The following ZNF716 variants were observed in gnomAD, a reference collection of about 807,000 sequenced individuals.
ZNF716 encodes the protein zinc finger protein 716.
Under a neutral mutation model 13.4 loss-of-function variants are expected in ZNF716, and 9 were observed. The observed-to-expected ratio is 0.67, with a 90% CI of 0.41 to 1.18. The LOEUF (loss-of-function observed/expected upper bound fraction) is 1.18. Among genes scored for constraint, ZNF716 ranks in the 50% most tolerant of loss-of-function variants. The probability of loss-of-function intolerance (pLI) is 0.01; values close to 1 mark genes in which losing one functional copy is unlikely to be tolerated. For missense variants in ZNF716, 581 were observed against 576.6 expected (o/e 1.01, Z -0.08); for synonymous variants, 186 against 195.2 (o/e 0.95, Z 0.39).
chr7:57,451,440 G>GTTTT (rs1554321537), intron 1 of ZNF716, among the ~76,000 whole-genome samples: 1 of 115,138 alleles, frequency 8.7e-6, no homozygotes, highest in African/African-American at 3.6e-5. Context: ...TTTTCCCTTG[G>GTTTT]ATTTTTTTTT....
At position 57,469,874 on chromosome 7, in the gene ZNF716, A is replaced by G. The variant is rs535726423; in HGVS notation, c.1413A>G (p.Gln471=). 8 of 1,598,798 alleles carry G rather than the reference A, an allele frequency of 5.0e-6. No homozygotes were observed. Among genetic ancestry groups the G allele is most frequent in the East Asian group, 4.5e-5 (2 of 44,108 alleles). ...EKPYKCEECD[Q]TFKWHSSLAN... ...CCTACAAATGTGAAGAATGTGACCA[A>G]ACTTTTAAGTGGCATTCAAGTCTTG... The change falls in exon 4 of 4, where the codon CAA becomes CAG. Residue 471 remains glutamine (Q), a synonymous_variant. Transcript: ENST00000420713.
chr7:57,452,076 T>C (rs1360084673), intron 1 of ZNF716, among the ~76,000 whole-genome samples: 1 of 152,168 alleles, frequency 6.6e-6, no homozygotes, highest in Non-Finnish European at 1.5e-5. Context: ...CTCAGCTGTG[T>C]CTTAAGCAGG....
intron 1 of ZNF716, among the ~76,000 whole-genome samples, chr7:57,452,918 T>C (rs1232465150): frequency 6.6e-6 from 1 of 152,036 alleles, no homozygotes; most frequent in Non-Finnish European, 1.5e-5. Flanking sequence ...TTTTTGAGAA[T>C]AGCATGCGGT....
chr7:57,450,364 G>C, intron 1 of ZNF716, 37 bp downstream of exon 1: 2 of 1,613,834 alleles, frequency 1.2e-6, no homozygotes, highest in African/African-American at 2.7e-5. Flanking sequence ...AGAGGGGTGG[G>C]GGCTGGTTGG....
intron 1 of ZNF716, among the ~76,000 whole-genome samples, chr7:57,453,594 A>G (rs1554321806): frequency 6.6e-6 from 1 of 152,052 alleles, no homozygotes; most frequent in Admixed American, 6.6e-5. Context: ...AACTGTAGAA[A>G]TTTTCTCAGG....
intron 3 of ZNF716, 93 bp from the exon 4 acceptor site, chr7:57,468,631 A>T: frequency 7.7e-7 from 1 of 1,295,226 alleles, no homozygotes; most frequent in Non-Finnish European, 1.0e-6. Context: ...CCATTTTGCT[A>T]ATGTACTTTG....
intron 1 of ZNF716, among the ~76,000 whole-genome samples, chr7:57,454,384 T>A (rs1554321957): frequency 6.6e-6 from 1 of 152,208 alleles, no homozygotes; most frequent in Non-Finnish European, 1.5e-5. Context: ...CACCACTTAA[T>A]TTCTAAAACT....
chr7:57,463,149 G>A lies in ZNF716; in HGVS notation c.243G>A (p.Glu81=). Residue 81 remains glutamate (E), a synonymous_variant, in exon 3 of 4, where the codon GAG becomes GAA. Transcript: ENST00000420713. The stretch of plus-strand genomic sequence containing the variant: ...AGCCCCAGAATATAAAGAGAAATGA[G>A]ATGGTAGCCAAACACCCAGGTAGGT... ...NKEPQNIKRN[E]MVAKHPVTCS... The A allele has an allele frequency of 6.2e-7, 1 of 1,608,660 alleles. No individual in the cohort carries two copies. The highest frequency in any genetic ancestry group is 2.2e-5 in the East Asian group (1 of 44,862).
intron 1 of ZNF716, among the ~76,000 whole-genome samples, chr7:57,457,025 T>C (rs868957025): frequency 6.6e-6 from 1 of 152,136 alleles, no homozygotes; most frequent in Non-Finnish European, 1.5e-5. Context: ...CCACTAGACA[T>C]TGATGCATCC....
intron 1 of ZNF716, among the ~76,000 whole-genome samples, chr7:57,460,566 G>C (rs1789690513): frequency 6.6e-6 from 1 of 151,302 alleles, no homozygotes; most frequent in South Asian, 2.1e-4. Context: ...TTTTTTTTCT[G>C]TATACCATAG....
At chr7:57,452,604 C>G (rs1462949692) in intron 1 of ZNF716, among the ~76,000 whole-genome samples, 2 of 152,034 alleles carry the variant, frequency 1.3e-5, no homozygotes, top group Non-Finnish European at 2.9e-5. Context: ...TGCCACTGCA[C>G]TCCAACCTGG....
At chr7:57,464,733 A>G (rs1789775964) in intron 3 of ZNF716, among the ~76,000 whole-genome samples, 1 of 151,556 alleles carries the variant, frequency 6.6e-6, no homozygotes, top group African/African-American at 2.4e-5. Flanking sequence ...CAGTCTAAGT[A>G]TTTTGTTGAA....
chr7:57,464,168 C>A (rs1399537110), intron 3 of ZNF716, among the ~76,000 whole-genome samples: 1 of 123,954 alleles, frequency 8.1e-6, no homozygotes, highest in African/African-American at 3.1e-5. Context: ...GTTGCTCAGG[C>A]TGGAGTGCAA....
At chr7:57,465,909 C>T (rs1484422602) in intron 3 of ZNF716, among the ~76,000 whole-genome samples, 1 of 152,016 alleles carries the variant, frequency 6.6e-6, no homozygotes, top group Non-Finnish European at 1.5e-5. Flanking sequence ...TGGAAATCAT[C>T]ATTCTCAGTA....
chr7:57,469,443 G>C lies in ZNF716; in HGVS notation c.982G>C (p.Glu328Gln), dbSNP rs781834967. The change falls in exon 4 of 4, where the codon GAA becomes CAA. Residue 328 changes from glutamate to glutamine, a missense_variant. Glu to Gln is a conservative substitution (Grantham distance 29, BLOSUM62 2). Transcript: ENST00000420713. Reference sequence around the variant, plus strand: ...TGGAGAGAGACCCTACAAATGTGAAGAATGTGGCAAAGCCTTTAGCTTATC... The same window carrying C: ...TGGAGAGAGACCCTACAAATGTGAACAATGTGGCAAAGCCTTTAGCTTATC... Reference protein sequence around the residue: ...HTGERPYKCEECGKAFSLSST... With the variant: ...HTGERPYKCEQCGKAFSLSST... 5.6e-6 allele frequency: 9 copies of C among 1,613,798 alleles called. No individual in the cohort carries two copies. The highest frequency in any genetic ancestry group is 7.6e-6 in the Non-Finnish European group (9 of 1,179,958).
chr7:57,458,279 A>T (rs1789640443), intron 1 of ZNF716, among the ~76,000 whole-genome samples: 1 of 152,230 alleles, frequency 6.6e-6, no homozygotes, highest in African/African-American at 2.4e-5. Context: ...CCAGCAGCGT[A>T]TAAGCATTCC....
intron 3 of ZNF716, among the ~76,000 whole-genome samples, chr7:57,463,415 T>C (rs1422486803): frequency 6.6e-6 from 1 of 152,246 alleles, no homozygotes; most frequent in Non-Finnish European, 1.5e-5. Flanking sequence ...AAGTTTTCTT[T>C]ATGGCTTATA....
chr7:57,454,013 A>C (rs1261194270), intron 1 of ZNF716, among the ~76,000 whole-genome samples: 2 of 152,046 alleles, frequency 1.3e-5, no homozygotes, highest in Non-Finnish European at 2.9e-5. Context: ...TTGTATTTTT[A>C]GTAAAGATGG....
chr7:57,469,068 C>T lies in ZNF716; in HGVS notation c.607C>T (p.His203Tyr). ...TTGCATGCTTTCACGCCTAAATCAA[C>T]ATCAGATAATTCATACTAGGGAGAA... ...SFCMLSRLNQ[H>Y]QIIHTREKSY... The change falls in exon 4 of 4, where the codon CAT (histidine) becomes TAT (tyrosine). Residue 203 changes from histidine (H) to tyrosine (Y), a missense_variant. Coordinates refer to ENST00000420713, the MANE Select transcript of ZNF716 (RefSeq NM_001159279.1). 1 of 1,608,028 alleles carries T rather than the reference C, an allele frequency of 6.2e-7. No individual in the cohort carries two copies.
Sources: allele counts gnomAD v4.1 joint callset (sites outside exome capture counted in the v4.1 genomes callset), GRCh38; gene constraint gnomAD v4.1.1; transcripts MANE v1.5; gene names NCBI Gene and HGNC (gene_info 2026-07-23, HGNC 2026-07-21).